Variants in NEGR1 observed in about 807,000 individuals in gnomAD.
NEGR1 encodes neuronal growth regulator 1.
In NEGR1, 10 loss-of-function variants were observed where a neutral mutation model predicts 40.9. The observed-to-expected ratio is 0.24, with a 90% CI of 0.15 to 0.42. The LOEUF is 0.42. NEGR1 is among the 10% of genes least tolerant of loss of function. The pLI is 1.00. For missense variants in NEGR1, 352 were observed against 438.9 expected, an observed-to-expected ratio of 0.80 and a Z score of 1.77; for synonymous variants, 185 against 166.8, an observed-to-expected ratio of 1.11 and a Z score of -0.84.
At chr1:71,563,585 A>G (rs2101483530) in intron 6 of NEGR1, among the ~76,000 whole-genome samples, 1 of 152,142 alleles carries the variant, frequency 6.6e-6, no homozygotes, top group African/African-American at 2.4e-5. Flanking sequence ...GCTATCATTT[A>G]GAGAAATAGA....
At chr1:72,075,243 T>A (rs887374377) in intron 1 of NEGR1, among the ~76,000 whole-genome samples, 2 of 152,106 alleles carry the variant, frequency 1.3e-5, no homozygotes, top group Admixed American at 6.6e-5. Context: ...AGGGAGCAAA[T>A]AGATGGTACA....
chr1:71,859,534 G>T (rs1659879944), intron 2 of NEGR1, among the ~76,000 whole-genome samples: 2 of 151,894 alleles, frequency 1.3e-5, no homozygotes, highest in South Asian at 4.2e-4. Context: ...ACTGCCTCTG[G>T]GTTTTGTAGC....
At chr1:72,231,696 C>A (rs998458943) in intron 1 of NEGR1, among the ~76,000 whole-genome samples, 2 of 152,142 alleles carry the variant, frequency 1.3e-5, no homozygotes, top group South Asian at 4.2e-4. Context: ...GTGAGGTTCT[C>A]TATACTGCAA....
intron 4 of NEGR1, among the ~76,000 whole-genome samples, chr1:71,641,717 G>A (rs1051233919): frequency 1.1e-4 from 17 of 152,022 alleles, no homozygotes; most frequent in African/African-American, 3.9e-4. Context: ...CATAATGCAA[G>A]CAGGTGCGGT....
intron 1 of NEGR1, among the ~76,000 whole-genome samples, chr1:71,938,774 G>A (rs550085110): frequency 2.1e-4 from 32 of 152,100 alleles, no homozygotes; most frequent in Admixed American, 5.9e-4. Context: ...TAAAGCATGC[G>A]CATGAACAGC....
chr1:72,102,735 C>G (rs1648993523), intron 1 of NEGR1, among the ~76,000 whole-genome samples: 1 of 151,974 alleles, frequency 6.6e-6, no homozygotes, highest in Non-Finnish European at 1.5e-5. Flanking sequence ...TATTTAGTAT[C>G]ATGATACATT....
chr1:71,815,352 C>T (rs1399312604), intron 2 of NEGR1, among the ~76,000 whole-genome samples: 1 of 151,972 alleles, frequency 6.6e-6, no homozygotes, highest in Admixed American at 6.6e-5. Context: ...AGAGTAAGTG[C>T]CATGTGTTGA....
At chr1:71,623,345 G>A (rs181096011) in intron 4 of NEGR1, among the ~76,000 whole-genome samples, 4 of 151,738 alleles carry the variant, frequency 2.6e-5, no homozygotes, top group Non-Finnish European at 4.4e-5. Flanking sequence ...TCACCCCCCC[G>A]CCATTTATTT....
At chr1:72,174,959 A>C (rs189182529) in intron 1 of NEGR1, among the ~76,000 whole-genome samples, 9 of 151,188 alleles carry the variant, frequency 6.0e-5, no homozygotes, top group Non-Finnish European at 7.4e-5. Context: ...TTTTCTTTTT[A>C]TTTTATTTTA....
chr1:71,767,415 G>A (rs1377648457), intron 3 of NEGR1, among the ~76,000 whole-genome samples: 1 of 152,162 alleles, frequency 6.6e-6, no homozygotes, highest in Non-Finnish European at 1.5e-5. Context: ...CTTTTAACTT[G>A]AGAATGATGA....
rs552101151 is a variant in NEGR1 at position 72,250,836 on chromosome 1, A to T, written c.176+31483T>A. On this transcript the variant is annotated intron_variant, in intron 1 of 6. Transcript: ENST00000357731. Reference sequence around the variant, plus strand: ...ATTTTCCCTGCCAGCAGCAATCCGCAATAGGGCTGTATCTATACAGCCTAA... The same window carrying T: ...ATTTTCCCTGCCAGCAGCAATCCGCTATAGGGCTGTATCTATACAGCCTAA... Among the ~76,000 whole-genome samples the T allele has an allele frequency of 2.0e-5, 3 of 152,332 alleles. No individual in the cohort carries two copies. The South Asian group carries it at 6.2e-4, about 32-fold the overall frequency.
chr1:71,755,296 G>A (rs1655695088), intron 3 of NEGR1, among the ~76,000 whole-genome samples: 1 of 152,072 alleles, frequency 6.6e-6, no homozygotes, highest in Admixed American at 6.6e-5. Context: ...TTACCCTCAA[G>A]TCAACCTCTC....
intron 2 of NEGR1, among the ~76,000 whole-genome samples, chr1:71,841,694 A>G (rs1659245079): frequency 6.6e-6 from 1 of 152,216 alleles, no homozygotes; most frequent in Non-Finnish European, 1.5e-5. Flanking sequence ...ACTTCACAGC[A>G]TCATTATAAG....
At chr1:71,470,194 C>T (rs1362942461) in intron 6 of NEGR1, among the ~76,000 whole-genome samples, 1 of 152,084 alleles carries the variant, frequency 6.6e-6, no homozygotes, top group Admixed American at 6.6e-5. Context: ...ACCTGGGCAG[C>T]TTTCGAAGCA....
chr1:71,884,126 G>T (rs1660659546), intron 2 of NEGR1, among the ~76,000 whole-genome samples: 2 of 152,024 alleles, frequency 1.3e-5, no homozygotes, highest in South Asian at 4.1e-4. Flanking sequence ...TCTACTGAAA[G>T]CAGTTCAGCT....
At chr1:71,465,889 A>G (rs187877233) in intron 6 of NEGR1, among the ~76,000 whole-genome samples, 2 of 152,102 alleles carry the variant, frequency 1.3e-5, no homozygotes, top group Non-Finnish European at 2.9e-5. Context: ...GACAAATAAT[A>G]AGTCCTTGGA....
intron 4 of NEGR1, among the ~76,000 whole-genome samples, chr1:71,668,487 A>C (rs1652313381): frequency 6.6e-6 from 1 of 152,178 alleles, no homozygotes; most frequent in African/African-American, 2.4e-5. Context: ...TTGGATAACT[A>C]TTCTTTTTTT....
chr1:71,976,972 T>C (rs771018862), intron 1 of NEGR1, among the ~76,000 whole-genome samples: 9 of 152,142 alleles, frequency 5.9e-5, no homozygotes, highest in Non-Finnish European at 1.0e-4. Context: ...GCACATTCAA[T>C]ATGGAAATTT....
intron 1 of NEGR1, among the ~76,000 whole-genome samples, chr1:72,258,312 G>C (rs1355427011): frequency 1.3e-5 from 2 of 152,094 alleles, no homozygotes; most frequent in African/African-American, 4.8e-5. Flanking sequence ...AGAATTATAT[G>C]GCTAGAAATA....
Sources: gnomAD v4.1 joint callset for allele counts (sites outside exome capture counted in the v4.1 genomes callset) on GRCh38, gnomAD v4.1.1 for gene constraint, MANE v1.5 for transcripts, NCBI Gene and HGNC (gene_info 2026-07-23, HGNC 2026-07-21) for gene names.